Variants in GAD2 observed in about 807,000 individuals in gnomAD.
The protein encoded by GAD2 is 65 kDa glutamic acid decarboxylase.
In GAD2, 22 loss-of-function variants were observed where a neutral mutation model predicts 80.1. The observed-to-expected ratio is 0.27, with a 90% CI of 0.20 to 0.39. GAD2 has a LOEUF of 0.39. Ranked by LOEUF, GAD2 falls within the 10% of genes least tolerant of loss-of-function variation. The pLI, the probability that GAD2 is intolerant of heterozygous loss-of-function variation, is 1.00. For missense variants in GAD2, 624 were observed against 738.4 expected (o/e 0.85, Z 1.80); for synonymous variants, 274 against 256.9 (o/e 1.07, Z -0.64).
intron 7 of GAD2, among the ~76,000 whole-genome samples, chr10:26,232,877 G>A (rs1363231533): frequency 6.6e-6 from 1 of 152,166 alleles, no homozygotes; most frequent in Non-Finnish European, 1.5e-5. Flanking sequence ...TCCTTCTTGT[G>A]TCTCTATCTA....
At chr10:26,251,150 G>C (rs925942860) in intron 8 of GAD2, among the ~76,000 whole-genome samples, 3 of 148,064 alleles carry the variant, frequency 2.0e-5, no homozygotes, top group Non-Finnish European at 4.4e-5. Flanking sequence ...CACCCACCTC[G>C]GCCTCCCAAA....
chr10:26,282,449 TA>T (rs1206968426), intron 12 of GAD2, among the ~76,000 whole-genome samples: 1 of 151,652 alleles, frequency 6.6e-6, no homozygotes, highest in Non-Finnish European at 1.5e-5. Context: ...TTAAAAAGTA[TA>T]AATAAATATA....
chr10:26,285,997 A>G (rs1177782632), intron 12 of GAD2, among the ~76,000 whole-genome samples: 1 of 152,228 alleles, frequency 6.6e-6, no homozygotes, highest in Non-Finnish European at 1.5e-5. Context: ...ATTCTCCCAA[A>G]GAAGGGGAAC....
rs116705804 is a variant in GAD2 at position 26,240,474 on chromosome 10, G to T, written c.841-5447G>T. Among the ~76,000 whole-genome samples, 573 of 152,154 alleles carry T rather than the reference G, an allele frequency of 3.8e-3. 2 individuals are homozygous for T. The highest frequency in any genetic ancestry group is 0.013 in the African/African-American group (544 of 41,504). ...TACCTACATATATTTTTTTAATAGA[G>T]AAATTACTCTTCCTTGGGAGGCTGA... On this transcript the variant is annotated intron_variant, in intron 7 of 15. Coordinates refer to ENST00000376261, the MANE Select transcript of GAD2 (RefSeq NM_001134366.2).
chr10:26,286,407 T>C lies in GAD2; in HGVS notation c.1299T>C (p.Tyr433=). 1 of 1,614,038 alleles carries C rather than the reference T, an allele frequency of 6.2e-7. No homozygotes were observed. The highest frequency in any genetic ancestry group is 8.5e-7 in the Non-Finnish European group (1 of 1,179,926). The stretch of plus-strand genomic sequence containing the variant: ...ACCTCTTTCAGCAAGATAAACATTA[T>C]GACCTGTCCTATGACACTGGAGACA... ...ASYLFQQDKH[Y]DLSYDTGDKA... is the part of the protein sequence containing the mutation. The change falls in exon 13 of 16, where the codon TAT becomes TAC. Residue 433 remains tyrosine (Y), a synonymous_variant. Transcript: ENST00000376261.
At chr10:26,290,277 T>C (rs1207067200) in intron 13 of GAD2, among the ~76,000 whole-genome samples, 1 of 152,150 alleles carries the variant, frequency 6.6e-6, no homozygotes, top group Non-Finnish European at 1.5e-5. Context: ...CAGAAATCCA[T>C]CATAAAAGAC....
At chr10:26,299,008 C>G (rs967379635) in intron 15 of GAD2, among the ~76,000 whole-genome samples, 1 of 152,146 alleles carries the variant, frequency 6.6e-6, no homozygotes, top group African/African-American at 2.4e-5. Flanking sequence ...GAGAAACATT[C>G]CTCCCCATGG....
At chr10:26,299,729 G>A (rs1379106224) in intron 15 of GAD2, among the ~76,000 whole-genome samples, 1 of 152,174 alleles carries the variant, frequency 6.6e-6, no homozygotes, top group Admixed American at 6.6e-5. Context: ...TAGGAAATTA[G>A]CATATAGTCA....
In GAD2 at chr10:26,292,968, G is replaced by A. The variant is rs531350793; in HGVS notation, c.1561G>A (p.Glu521Lys). The A allele has an allele frequency of 1.4e-5, 22 of 1,613,674 alleles. No homozygotes were observed. In the East Asian group the frequency reaches 2.9e-4, roughly 21 times the overall value. ...PSLRTLEDNE[E>K]RMSRLSKVAP... ...CTTGCGTACTCTGGAAGACAATGAAGAGAGAATGAGTCGCCTCTCGAAGGT... is the reference window on the plus strand; with the variant it reads ...CTTGCGTACTCTGGAAGACAATGAAAAGAGAATGAGTCGCCTCTCGAAGGT... Residue 521 changes from glutamate to lysine, a missense_variant, in exon 15 of 16, where the codon GAG becomes AAG. Transcript: ENST00000376261.
At chr10:26,296,368 G>A (rs1834273379) in intron 15 of GAD2, among the ~76,000 whole-genome samples, 1 of 152,196 alleles carries the variant, frequency 6.6e-6, no homozygotes, top group Non-Finnish European at 1.5e-5. Context: ...CCTAATAGTG[G>A]CTCATAAGCC....
chr10:26,302,844 C>T lies in GAD2; in HGVS notation c.*1883C>T, dbSNP rs1239750287. The T allele has an allele frequency of 6.6e-6, 1 of 152,210 alleles. No homozygotes were observed. The highest frequency in any genetic ancestry group is 1.5e-5 in the Non-Finnish European group (1 of 68,040). The allele number at this position is 152,210 out of a possible 1,614,324, so 9.4% of individuals were successfully genotyped here. ...GTTCACTATGACAATCAGAAATAAA[C>T]TCTTTCATCTGTCCCGCAGAATTTC... is the stretch of plus-strand genomic sequence containing the variant. On this transcript the variant is annotated 3_prime_UTR_variant, in exon 16 of 16. Transcript: ENST00000376261.
intron 8 of GAD2, among the ~76,000 whole-genome samples, chr10:26,259,716 A>T (rs1163808247): frequency 6.6e-6 from 1 of 152,110 alleles, no homozygotes; most frequent in Non-Finnish European, 1.5e-5. Context: ...TCATGAAGTC[A>T]AATTTTTCTA....
At chr10:26,286,011 T>G (rs1417546832) in intron 12 of GAD2, among the ~76,000 whole-genome samples, 1 of 152,204 alleles carries the variant, frequency 6.6e-6, no homozygotes, top group East Asian at 1.9e-4. Flanking sequence ...GGGGAACATT[T>G]AAATATAAAT....
At chr10:26,299,267 A>G (rs1169501545) in intron 15 of GAD2, among the ~76,000 whole-genome samples, 2 of 152,222 alleles carry the variant, frequency 1.3e-5, no homozygotes, top group Non-Finnish European at 2.9e-5. Flanking sequence ...AAGAGTTGAT[A>G]TTTATAAGTC....
chr10:26,302,628 C>G lies in GAD2; in HGVS notation c.*1667C>G, dbSNP rs894262752. On this transcript the variant is annotated 3_prime_UTR_variant, in exon 16 of 16. Coordinates refer to ENST00000376261, the MANE Select transcript of GAD2 (RefSeq NM_001134366.2). ...GGTATACAAGGGAAGAGAGAAGGCC[C>G]TGCCCTTCAACGGGTAGAAATGCCC... 2 of 152,180 alleles carry G rather than the reference C, an allele frequency of 1.3e-5. No homozygotes were observed. Among genetic ancestry groups the G allele is most frequent in the Non-Finnish European group, 2.9e-5 (2 of 68,034 alleles). The allele number at this position is 152,180 out of a possible 1,614,324, so 9.4% of individuals were successfully genotyped here. A position where few individuals can be genotyped will look rare whatever the true frequency, so the allele number is the denominator to read the frequency against.
At chr10:26,269,819 T>C (rs1214186244) in intron 9 of GAD2, among the ~76,000 whole-genome samples, 2 of 152,228 alleles carry the variant, frequency 1.3e-5, no homozygotes, top group Non-Finnish European at 2.9e-5. Flanking sequence ...GAAATAATGA[T>C]TTACGTTCAT....
At chr10:26,220,816 A>G (rs770331300) in intron 4 of GAD2, among the ~76,000 whole-genome samples, 1 of 152,272 alleles carries the variant, frequency 6.6e-6, no homozygotes, top group Non-Finnish European at 1.5e-5. Context: ...AATGCAGTCT[A>G]CAGAGTTAAG....
chr10:26,250,194 G>A (rs1029148547), intron 8 of GAD2, among the ~76,000 whole-genome samples: 2 of 151,886 alleles, frequency 1.3e-5, no homozygotes, highest in African/African-American at 4.8e-5. Context: ...TTGTTTGTTC[G>A]TTATAGAGAT....
intron 6 of GAD2, among the ~76,000 whole-genome samples, chr10:26,227,162 T>C (rs940725816): frequency 1.5e-4 from 23 of 152,092 alleles, no homozygotes; most frequent in African/African-American, 5.1e-4. Context: ...CCAGCCAATT[T>C]TTGTATGTTT....
Sources: allele counts gnomAD v4.1 joint callset (sites outside exome capture counted in the v4.1 genomes callset), GRCh38; gene constraint gnomAD v4.1.1; transcripts MANE v1.5; gene names NCBI Gene and HGNC (gene_info 2026-07-23, HGNC 2026-07-21).